Variants in PPP2R2C observed in about 807,000 individuals in gnomAD.
The protein encoded by PPP2R2C is protein phosphatase 2 regulatory subunit Bgamma, also known as protein phosphatase 2, regulatory subunit B, gamma.
In PPP2R2C, 10 loss-of-function variants were observed where a neutral mutation model predicts 45.3. The observed-to-expected ratio is 0.22, with a 90% CI of 0.14 to 0.37. PPP2R2C has a LOEUF of 0.37. Among genes scored for constraint, PPP2R2C ranks in the 10% least tolerant of loss-of-function variants. The pLI is 1.00. For missense variants in PPP2R2C, 308 were observed against 619.7 expected (o/e 0.50, Z 5.34); for synonymous variants, 257 against 245.4 (o/e 1.05, Z -0.44).
chr4:6,513,126 C>T (rs1033547321), intron 2 of PPP2R2C, among the ~76,000 whole-genome samples: 1 of 152,132 alleles, frequency 6.6e-6, no homozygotes, highest in Admixed American at 6.5e-5. Context: ...TACCAAAGGA[C>T]AACACGTAAT....
chr4:6,385,266 G>C (rs907515808), intron 1 of PPP2R2C, among the ~76,000 whole-genome samples: 17 of 152,156 alleles, frequency 1.1e-4, no homozygotes, highest in African/African-American at 4.1e-4. Context: ...TCTTGCCTGA[G>C]CACTGCTTCC....
Position 6,368,984 on chromosome 4 carries a change from C to A in PPP2R2C, c.625+3539G>T, listed in dbSNP as rs779537797. On this transcript the variant is annotated intron_variant, in intron 5 of 8. Coordinates refer to ENST00000382599, the MANE Select transcript of PPP2R2C (RefSeq NM_020416.4). The surrounding 1 kb of genome is among the most constrained non-coding windows in gnomAD (Gnocchi z 4.2). ...TGTAATATAGATGCAGACGGGGAGA[C>A]AGGATTCAATCCTTCTGATGAATGA... Among the ~76,000 whole-genome samples, 1 of 152,124 alleles carries A rather than the reference C, an allele frequency of 6.6e-6. No homozygotes were observed. The highest frequency in any genetic ancestry group is 1.5e-5 in the Non-Finnish European group (1 of 68,004).
chr4:6,555,497 C>G (rs1725367352), intron 1 of PPP2R2C: 1 of 152,270 alleles, frequency 6.6e-6, no homozygotes, highest in African/African-American at 2.4e-5. Context: ...ACAAAACAGT[C>G]AGCCGCTGAT....
chr4:6,393,263 G>C (rs76010521), intron 1 of PPP2R2C, among the ~76,000 whole-genome samples: 1 of 151,810 alleles, frequency 6.6e-6, no homozygotes, highest in Admixed American at 6.6e-5. Flanking sequence ...CCCAGCCCCC[G>C]GAAATCACTG....
At chr4:6,506,787 C>A (rs1723250320) in intron 2 of PPP2R2C, among the ~76,000 whole-genome samples, 1 of 152,130 alleles carries the variant, frequency 6.6e-6, no homozygotes, top group Admixed American at 6.6e-5. Flanking sequence ...CATCTGAAGG[C>A]CCAACTGGGC....
chr4:6,503,480 G>A (rs541474541), intron 2 of PPP2R2C, among the ~76,000 whole-genome samples: 3 of 152,214 alleles, frequency 2.0e-5, no homozygotes, highest in East Asian at 1.9e-4. Context: ...CATAGTATAG[G>A]TGACACCAAT....
intron 2 of PPP2R2C, among the ~76,000 whole-genome samples, chr4:6,516,780 T>C (rs964012157): frequency 1.3e-5 from 2 of 152,184 alleles, no homozygotes; most frequent in African/African-American, 2.4e-5. Flanking sequence ...CTGTTTTTAG[T>C]CCTCACCTGG....
At chr4:6,443,784 C>T (rs553159868) in intron 1 of PPP2R2C, among the ~76,000 whole-genome samples, 5 of 152,264 alleles carry the variant, frequency 3.3e-5, no homozygotes, top group African/African-American at 7.2e-5. Context: ...ACCGCCCCCC[C>T]GGAGTCCTTG....
chr4:6,419,436 AAGAAAAGAAAAGAAAAGAAG>A (rs1411357846), intron 1 of PPP2R2C, among the ~76,000 whole-genome samples: 2 of 140,558 alleles, frequency 1.4e-5, no homozygotes, highest in Non-Finnish European at 3.1e-5. Context: ...TAAAAAAAGA[AAGAAAAGAAAAGAAAAGAAG>A]AGAAAAGAAA....
intron 5 of PPP2R2C, among the ~76,000 whole-genome samples, chr4:6,357,377 G>A (rs1713300837): frequency 6.6e-6 from 1 of 152,224 alleles, no homozygotes; most frequent in Non-Finnish European, 1.5e-5. Flanking sequence ...GTTGGCAAGT[G>A]TTTTCTGCAA....
chr4:6,421,030 C>T (rs1560535741), intron 1 of PPP2R2C: 3 of 985,156 alleles, frequency 3.0e-6, no homozygotes, highest in South Asian at 4.7e-5. Context: ...GTGGAGGAAG[C>T]GGTGCTTTGT....
chr4:6,363,115 T>A (rs556728971), intron 5 of PPP2R2C, among the ~76,000 whole-genome samples: 4 of 152,236 alleles, frequency 2.6e-5, no homozygotes, highest in African/African-American at 9.6e-5. Context: ...GTCAGCACCA[T>A]GGACAGAGCC....
intron 1 of PPP2R2C, among the ~76,000 whole-genome samples, chr4:6,427,899 C>T (rs1024898424): frequency 2.0e-5 from 3 of 152,170 alleles, no homozygotes; most frequent in South Asian, 2.1e-4. Flanking sequence ...AAAGAGGCTC[C>T]CCCTCCTGGA....
At chr4:6,558,024 A>G (rs1725466068) in intron 1 of PPP2R2C, among the ~76,000 whole-genome samples, 1 of 152,056 alleles carries the variant, frequency 6.6e-6, no homozygotes, top group South Asian at 2.1e-4. Context: ...GCTTCTGAGC[A>G]GCCTCAGCAC....
chr4:6,435,912 G>A (rs987470040), intron 1 of PPP2R2C, among the ~76,000 whole-genome samples: 7 of 152,194 alleles, frequency 4.6e-5, no homozygotes, highest in African/African-American at 1.7e-4. Context: ...TGGTCTGAAT[G>A]TGTGTCCCCC....
intron 2 of PPP2R2C, chr4:6,523,621 G>T (rs1458949953): frequency 6.6e-6 from 1 of 152,240 alleles, no homozygotes; most frequent in Non-Finnish European, 1.5e-5. Context: ...GCTGGGGGCA[G>T]GTGAAGCGGC....
In PPP2R2C at chr4:6,327,516, G is replaced by A. The variant is rs370542220; in HGVS notation, c.1052+1746C>T. ...GTCGCAGCCAGCGGGGACCTACCCC[G>A]CAAAACGCACATAAAAGCTGGAATC... On this transcript the variant is annotated intron_variant, in intron 8 of 8. Coordinates refer to ENST00000382599, the MANE Select transcript of PPP2R2C (RefSeq NM_020416.4). Among the ~76,000 whole-genome samples the A allele has an allele frequency of 3.2e-4, 48 of 152,340 alleles. 2 individuals carry two copies. The highest frequency in any genetic ancestry group is 1.1e-3 in the African/African-American group (47 of 41,578).
chr4:6,386,051 C>T (rs1716183401), intron 1 of PPP2R2C, among the ~76,000 whole-genome samples: 1 of 152,192 alleles, frequency 6.6e-6, no homozygotes, highest in African/African-American at 2.4e-5. Context: ...TAAATGCTTC[C>T]GGTAATAGCC....
intron 2 of PPP2R2C, among the ~76,000 whole-genome samples, chr4:6,517,276 C>T (rs1560598136): frequency 1.3e-5 from 2 of 152,196 alleles, no homozygotes; most frequent in Non-Finnish European, 2.9e-5. Context: ...AGGCACCATG[C>T]TGGGCACACA....
Sources: gnomAD v4.1 joint callset for allele counts (sites outside exome capture counted in the v4.1 genomes callset) on GRCh38, gnomAD v4.1.1 for gene constraint, Gnocchi (gnomAD v3.1) non-coding constraint, MANE v1.5 for transcripts, NCBI Gene and HGNC (gene_info 2026-07-23, HGNC 2026-07-21) for gene names.